Variants in DOCK1 observed in about 807,000 individuals in gnomAD.
The protein encoded by DOCK1 is dedicator of cytokinesis 1, also known as dedicator of cytokinesis protein 1.
A neutral mutation model predicts 262.7 loss-of-function variants in DOCK1; 138 were observed. The observed-to-expected ratio is 0.53, with a 90% confidence interval of 0.46 to 0.61. The LOEUF is 0.61. Among genes scored for constraint, DOCK1 ranks in the 20% least tolerant of loss-of-function variants. The pLI is 0.00. For synonymous variants in DOCK1, 866 were observed against 867.4 expected, an observed-to-expected ratio of 1.00 and a Z score of 0.03; for missense variants, 1,908 against 2,370.7, an observed-to-expected ratio of 0.80 and a Z score of 4.05.
intron 29 of DOCK1, among the ~76,000 whole-genome samples, chr10:127,306,793 C>T (rs965102130): frequency 6.6e-6 from 1 of 152,078 alleles, no homozygotes; most frequent in Non-Finnish European, 1.5e-5. Context: ...CTAAACCAAA[C>T]GAAGGCAGTG....
At chr10:127,403,254 C>A in intron 39 of DOCK1, 110 bp downstream of exon 39, 1 of 1,065,672 alleles carries the variant, frequency 9.4e-7, no homozygotes. Flanking sequence ...ACTCTGGGAC[C>A]TTGGCCATGT....
rs866681703 is a variant in DOCK1 at position 127,340,010 on chromosome 10, T to C, written c.3123+926T>C. Among the ~76,000 whole-genome samples the C allele has an allele frequency of 2.6e-5, 4 of 152,322 alleles. No individual in the cohort carries two copies. In the South Asian group the frequency reaches 8.3e-4, roughly 32 times the overall value. On this transcript the variant is annotated intron_variant, in intron 30 of 51. Coordinates refer to ENST00000623213, the MANE Select transcript of DOCK1 (RefSeq NM_001290223.2). ...TGGGTGATCCAACCCCAAAATAAGT[T>C]ACCCAATAGCAAATAATAAGTTTAC...
At chr10:127,285,194 AT>A (rs2061106089) in intron 29 of DOCK1, among the ~76,000 whole-genome samples, 1 of 152,078 alleles carries the variant, frequency 6.6e-6, no homozygotes, top group South Asian at 2.1e-4. Context: ...TCATTTTCTG[AT>A]TTTTCTTCTG....
At chr10:127,006,264 T>C (rs552894033) in intron 10 of DOCK1, among the ~76,000 whole-genome samples, 2 of 152,328 alleles carry the variant, frequency 1.3e-5, no homozygotes, top group East Asian at 3.9e-4. Context: ...ACCTCCTGCC[T>C]TCTGCTCTCC....
At chr10:126,986,469 C>T (rs1365021389) in intron 4 of DOCK1, among the ~76,000 whole-genome samples, 3 of 152,190 alleles carry the variant, frequency 2.0e-5, no homozygotes, top group African/African-American at 4.8e-5. Context: ...GCCAGCTAGC[C>T]TAACTACACC....
At chr10:127,149,392 G>A (rs2052250579) in intron 27 of DOCK1, among the ~76,000 whole-genome samples, 1 of 152,150 alleles carries the variant, frequency 6.6e-6, no homozygotes, top group Non-Finnish European at 1.5e-5. Context: ...AAGACCGTTT[G>A]TCCTTTTGAT....
chr10:127,258,828 G>A (rs1478238016), intron 29 of DOCK1, among the ~76,000 whole-genome samples: 1 of 152,244 alleles, frequency 6.6e-6, no homozygotes, highest in Non-Finnish European at 1.5e-5. Context: ...GCTGATAGGT[G>A]TGTAGTGTAT....
chr10:127,352,390 C>T (rs2063928596), intron 31 of DOCK1, among the ~76,000 whole-genome samples: 1 of 151,888 alleles, frequency 6.6e-6, no homozygotes, highest in Admixed American at 6.6e-5. Flanking sequence ...GTGGTGCCAG[C>T]TCTGGAAACA....
chr10:127,339,330 T>A (rs2063325373), intron 30 of DOCK1, among the ~76,000 whole-genome samples: 1 of 151,854 alleles, frequency 6.6e-6, no homozygotes, highest in Non-Finnish European at 1.5e-5. Flanking sequence ...TGAATCAGAG[T>A]GACAAGAAGG....
chr10:127,179,911 G>A (rs894964926), intron 27 of DOCK1, among the ~76,000 whole-genome samples: 5 of 152,120 alleles, frequency 3.3e-5, no homozygotes, highest in African/African-American at 1.2e-4. Context: ...TTCTAGATTT[G>A]ATCCTCATCA....
chr10:127,314,994 G>C (rs908450924), intron 29 of DOCK1, among the ~76,000 whole-genome samples: 1 of 152,200 alleles, frequency 6.6e-6, no homozygotes, highest in Non-Finnish European at 1.5e-5. Context: ...ACGGAGCAGG[G>C]GAGTGCCTGC....
At chr10:127,365,065 T>G (rs542894759) in intron 33 of DOCK1, among the ~76,000 whole-genome samples, 3 of 152,182 alleles carry the variant, frequency 2.0e-5, no homozygotes, top group African/African-American at 7.2e-5. Context: ...TAATGTTCTT[T>G]CTGTTTGATA....
At chr10:126,948,581 A>T (rs1014691346) in intron 1 of DOCK1, among the ~76,000 whole-genome samples, 1 of 151,860 alleles carries the variant, frequency 6.6e-6, no homozygotes, top group Non-Finnish European at 1.5e-5. Flanking sequence ...GCACCCTGAA[A>T]CAGGGCCCTC....
intron 27 of DOCK1, among the ~76,000 whole-genome samples, chr10:127,130,617 C>T (rs2133139315): frequency 6.6e-6 from 1 of 152,326 alleles, no homozygotes; most frequent in Middle Eastern, 3.4e-3. Context: ...TGAGAAATTT[C>T]TCCTATCTCA....
chr10:127,004,157 G>A (rs2040813893), intron 10 of DOCK1, among the ~76,000 whole-genome samples: 1 of 151,952 alleles, frequency 6.6e-6, no homozygotes, highest in East Asian at 1.9e-4. Context: ...AGGAGTCTGA[G>A]GCAGGAGAAT....
intron 27 of DOCK1, among the ~76,000 whole-genome samples, chr10:127,241,769 C>T (rs2059273070): frequency 6.6e-6 from 1 of 152,124 alleles, no homozygotes; most frequent in African/African-American, 2.4e-5. Context: ...TCAAACTAAA[C>T]AGGTGTTTCT....
At chr10:126,951,481 ATTG>A (rs1231599603) in intron 1 of DOCK1, among the ~76,000 whole-genome samples, 11 of 150,656 alleles carry the variant, frequency 7.3e-5, no homozygotes, top group African/African-American at 2.4e-4. Flanking sequence ...TATTCGTAGT[ATTG>A]TTGGTGATAG....
intron 1 of DOCK1, among the ~76,000 whole-genome samples, chr10:126,944,373 C>T (rs1025742746): frequency 1.3e-5 from 2 of 151,688 alleles, no homozygotes; most frequent in African/African-American, 4.8e-5. Context: ...GCCCTCAGCA[C>T]GCAGAGCCAT....
chr10:126,911,304 C>T (rs2031722847), intron 1 of DOCK1, among the ~76,000 whole-genome samples: 10 of 152,176 alleles, frequency 6.6e-5, no homozygotes, highest in Admixed American at 5.2e-4. Flanking sequence ...CAGCGTGCAG[C>T]TCCCTGTGCT....
Sources: allele counts gnomAD v4.1 joint callset (sites outside exome capture counted in the v4.1 genomes callset), GRCh38; gene constraint gnomAD v4.1.1; transcripts MANE v1.5; gene names NCBI Gene and HGNC (gene_info 2026-07-23, HGNC 2026-07-21).